SRFBP1: variants seen among roughly 807,000 people sequenced by gnomAD.
The protein encoded by SRFBP1 is serum response factor-binding protein 1.
A neutral mutation model predicts 45.5 loss-of-function variants in SRFBP1; 47 were observed. That is an observed-to-expected ratio of 1.03 (90% CI 0.82 to 1.32). The LOEUF (loss-of-function observed/expected upper bound fraction) is 1.32, where lower values mean the gene tolerates loss of function less well. SRFBP1 is among the 40% of genes most tolerant of loss of function. The pLI, the probability that SRFBP1 is intolerant of heterozygous loss-of-function variation, is 0.00. For synonymous variants in SRFBP1, 203 were observed against 166.3 expected (o/e 1.22, Z -1.70); for missense variants, 621 against 484.6 (o/e 1.28, Z -2.64).
downstream of SRFBP1, chr5:122,077,253 C>G: frequency 6.5e-7 from 1 of 1,549,246 alleles, no homozygotes; most frequent in Non-Finnish European, 8.7e-7. This position sits in a 1 kb window ranked among gnomAD's most constrained non-coding sequence, Gnocchi z 4.9. Context: ...GGGATCGGAT[C>G]TGCGAGGACC....
intron 3 of SRFBP1, among the ~76,000 whole-genome samples, chr5:121,988,963 C>T (rs1057034340): frequency 2.6e-5 from 4 of 151,680 alleles, no homozygotes; most frequent in Admixed American, 2.6e-4. Flanking sequence ...TTCGAAATTG[C>T]AGAATATTTA....
At chr5:122,011,535 A>C (rs953456278) in intron 4 of SRFBP1, among the ~76,000 whole-genome samples, 35 of 152,266 alleles carry the variant, frequency 2.3e-4, no homozygotes, top group African/African-American at 8.2e-4. Context: ...TTTAAGATGC[A>C]TCAGTGTATT....
downstream of SRFBP1, among the ~76,000 whole-genome samples, chr5:122,029,584 C>G (rs1020746572): frequency 6.6e-6 from 1 of 152,168 alleles, no homozygotes; most frequent in South Asian, 2.1e-4. Context: ...CTTTTCTGAA[C>G]TCTGAAGTCT....
At chr5:122,049,191 C>T (rs558710989) in intron 2 of SRFBP1, among the ~76,000 whole-genome samples, 36 of 151,970 alleles carry the variant, frequency 2.4e-4, no homozygotes, top group Admixed American at 2.3e-3. Context: ...ATCTACCAAG[C>T]AAATGGAAGA....
intron 4 of SRFBP1, among the ~76,000 whole-genome samples, chr5:122,009,689 GC>G (rs1446343623): frequency 6.6e-6 from 1 of 152,094 alleles, no homozygotes; most frequent in African/African-American, 2.4e-5. Context: ...ATGTAGATGA[GC>G]ATGGTCCTGA....
chr5:121,979,192 A>G (rs543334685), intron 3 of SRFBP1, among the ~76,000 whole-genome samples: 1 of 152,342 alleles, frequency 6.6e-6, no homozygotes, highest in African/African-American at 2.4e-5. Context: ...GAACCTCACC[A>G]CAACTCTAGG....
At chr5:121,987,223 T>C (rs981734780) in intron 3 of SRFBP1, among the ~76,000 whole-genome samples, 2 of 151,988 alleles carry the variant, frequency 1.3e-5, no homozygotes, top group African/African-American at 4.8e-5. Flanking sequence ...GAAAGGGTGA[T>C]AGGAGCATAA....
chr5:122,049,665 T>C (rs1194065440), intron 2 of SRFBP1, among the ~76,000 whole-genome samples: 1 of 152,162 alleles, frequency 6.6e-6, no homozygotes, highest in African/African-American at 2.4e-5. Context: ...ACAGAAATTA[T>C]AACAAACTGT....
chr5:122,019,183 A>G (rs2112705834), intron 4 of SRFBP1, 77 bp from the exon 5 acceptor site: 1 of 1,220,002 alleles, frequency 8.2e-7, no homozygotes, highest in South Asian at 1.3e-5. Flanking sequence ...AGACTATGAT[A>G]GATTTTATTT....
chr5:122,066,739 C>T, intron 2 of SRFBP1: 1 of 1,598,854 alleles, frequency 6.3e-7, no homozygotes, highest in Admixed American at 1.7e-5. Context: ...TTTTGCTTTG[C>T]CTTCTAATAC....
rs542127093 is a variant in SRFBP1, at chr5:122,004,079, T to C, written c.270+9409T>C. Among the ~76,000 whole-genome samples, 147 of 152,194 alleles carry C rather than the reference T, an allele frequency of 9.7e-4. 1 individual carries two copies. The highest frequency in any genetic ancestry group is 3.4e-3 in the African/African-American group (142 of 41,528). On this transcript the variant is annotated intron_variant, in intron 4 of 7. Coordinates refer to ENST00000339397, the MANE Select transcript of SRFBP1 (RefSeq NM_152546.3). ...CCTCCCAAGGTGGGAGGTGCCAGCCTAGAGGCTGGTGTGCAAGTTCTGGTG... is the reference window on the plus strand; with the variant it reads ...CCTCCCAAGGTGGGAGGTGCCAGCCCAGAGGCTGGTGTGCAAGTTCTGGTG...
chr5:122,007,242 A>T (rs542989132), intron 4 of SRFBP1, among the ~76,000 whole-genome samples: 2 of 151,894 alleles, frequency 1.3e-5, no homozygotes, highest in Admixed American at 6.5e-5. Context: ...TGGGCTGGAG[A>T]CACAGTCTAC....
At chr5:122,077,586 C>G (rs1270452682), downstream of SRFBP1, 1 of 1,612,714 alleles carries the variant, frequency 6.2e-7, no homozygotes, top group African/African-American at 1.3e-5. The surrounding 1 kb of genome is among the most constrained non-coding windows in gnomAD (Gnocchi z 4.9). Flanking sequence ...GCTTCGCGGG[C>G]TCTAGATGTC....
chr5:122,077,675 G>T (rs761581335), downstream of SRFBP1: 27 of 1,603,120 alleles, frequency 1.7e-5, no homozygotes, highest in Non-Finnish European at 1.8e-5. This position sits in a 1 kb window ranked among gnomAD's most constrained non-coding sequence, Gnocchi z 4.9. Flanking sequence ...GGCCGTCCGC[G>T]TTCGCGCCGC....
intron 3 of SRFBP1, among the ~76,000 whole-genome samples, chr5:121,977,203 T>C (rs1028959331): frequency 6.6e-6 from 1 of 152,078 alleles, no homozygotes; most frequent in African/African-American, 2.4e-5. Context: ...TGTTCTATTT[T>C]TCCCTGTGAT....
rs555816561 is a variant in SRFBP1 at position 121,975,155 on chromosome 5, G to A, written c.126-160G>A. On this transcript the variant is annotated intron_variant, in intron 2 of 7. Coordinates refer to ENST00000339397, the MANE Select transcript of SRFBP1 (RefSeq NM_152546.3). Reference sequence around the variant, plus strand: ...GGGTTTGGTTAGTAAATTGAGGTGTGTTTTGGGAGTGGGGGAAATGGACAG... The same window carrying A: ...GGGTTTGGTTAGTAAATTGAGGTGTATTTTGGGAGTGGGGGAAATGGACAG... Among the ~76,000 whole-genome samples, 362 of 152,076 alleles carry A rather than the reference G, an allele frequency of 2.4e-3. 2 individuals carry two copies. The highest frequency in any genetic ancestry group is 4.1e-3 in the Non-Finnish European group (278 of 67,890).
intron 3 of SRFBP1, among the ~76,000 whole-genome samples, chr5:121,988,105 AG>A (rs1228138198): frequency 6.6e-6 from 1 of 152,224 alleles, no homozygotes; most frequent in African/African-American, 2.4e-5. Context: ...TCTGGCTATT[AG>A]GGGATGACGT....
intron 4 of SRFBP1, among the ~76,000 whole-genome samples, chr5:122,000,557 A>G (rs1194405803): frequency 6.6e-6 from 1 of 152,032 alleles, no homozygotes; most frequent in African/African-American, 2.4e-5. Context: ...TTTACTAAGT[A>G]TAGAATTCTG....
chr5:122,046,602 G>A (rs1379598152), intron 2 of SRFBP1, among the ~76,000 whole-genome samples: 16 of 152,198 alleles, frequency 1.1e-4, no homozygotes, highest in Non-Finnish European at 1.5e-4. Context: ...TCTAGTTCTA[G>A]ATCCCTGAGG....
Sources: gnomAD v4.1 joint callset for allele counts (sites outside exome capture counted in the v4.1 genomes callset) on GRCh38, gnomAD v4.1.1 for gene constraint, Gnocchi (gnomAD v3.1) non-coding constraint, MANE v1.5 for transcripts, NCBI Gene and HGNC (gene_info 2026-07-23, HGNC 2026-07-21) for gene names.